DMD: variants seen among roughly 807,000 people sequenced by gnomAD.
The protein encoded by DMD is dystrophin.
In DMD, 63 loss-of-function variants were observed where a neutral mutation model predicts 330.1. The ratio of observed to expected loss-of-function variants is 0.19; its 90% confidence interval spans 0.16 to 0.24. DMD has a LOEUF of 0.24. Ranked by LOEUF, DMD falls within the 10% of genes least tolerant of loss-of-function variation. The pLI, the probability that DMD is intolerant of heterozygous loss-of-function variation, is 1.00. For synonymous variants in DMD, 1,223 were observed against 959.8 expected, an observed-to-expected ratio of 1.27 and a Z score of -5.07; for missense variants, 3,344 against 2,684.1, an observed-to-expected ratio of 1.25 and a Z score of -5.43.
intron 44 of DMD, among the ~76,000 whole-genome samples, chrX:32,106,046 T>G (rs950694159): frequency 8.9e-6 from 1 of 111,907 alleles, no homozygotes; most frequent in African/African-American, 3.2e-5. Flanking sequence ...GTCAAACACT[T>G]TAAAGTAAAA....
At chrX:32,276,955 A>G (rs1244353156) in intron 43 of DMD, among the ~76,000 whole-genome samples, 1 of 111,012 alleles carries the variant, frequency 9.0e-6, no homozygotes, top group African/African-American at 3.3e-5. Context: ...ATAGAAAAAA[A>G]AGAGAGAGAA....
chrX:32,580,298 T>C (rs1194445959), intron 13 of DMD, among the ~76,000 whole-genome samples: 1 of 112,062 alleles, frequency 8.9e-6, no homozygotes, highest in Non-Finnish European at 1.9e-5. Flanking sequence ...ACTACTGTCG[T>C]TATCAATAGG....
chrX:31,420,330 A>C (rs1171110922), intron 60 of DMD, among the ~76,000 whole-genome samples: 1 of 112,262 alleles, frequency 8.9e-6, no homozygotes, highest in Non-Finnish European at 1.9e-5. Context: ...AGATGGATTA[A>C]ATTGCATGTA....
chrX:31,937,368 A>G (rs1474305046), intron 45 of DMD, among the ~76,000 whole-genome samples: 1 of 111,918 alleles, frequency 8.9e-6, no homozygotes, highest in Non-Finnish European at 1.9e-5. Context: ...CTTAAACAGT[A>G]AAAGCTTTGG....
chrX:32,665,160 C>T (rs143389423), intron 9 of DMD, among the ~76,000 whole-genome samples: 1,472 of 111,629 alleles, frequency 0.013, 24 homozygotes, highest in African/African-American at 0.045. Flanking sequence ...ATAACCCAAC[C>T]AACATATATC....
intron 18 of DMD, among the ~76,000 whole-genome samples, chrX:32,503,702 T>A (rs376617734): frequency 1.2e-4 from 13 of 110,087 alleles, no homozygotes; most frequent in Admixed American, 1.1e-3. Context: ...ATTACAGGCG[T>A]GCACCACCAC....
At chrX:32,600,095 C>T (rs1044857781) in intron 12 of DMD, among the ~76,000 whole-genome samples, 1 of 111,555 alleles carries the variant, frequency 9.0e-6, no homozygotes. Flanking sequence ...ATTATTTAAA[C>T]CTGACTTTTC....
Position 32,445,943 on chromosome X carries a change from C to T in DMD, c.3786+2513G>A, listed in dbSNP as rs78154003. ...TATTTCTCTATTGAAGGATAAATTA[C>T]GCCACAGGCAGCTGAAGCGAGAATT... is the stretch of plus-strand genomic sequence containing the variant. On this transcript the variant is annotated intron_variant, in intron 27 of 78. Transcript: ENST00000357033. Among the ~76,000 whole-genome samples the T allele has an allele frequency of 2.6e-4, 29 of 110,679 alleles. No homozygotes were observed. The East Asian group carries it at 4.5e-3, about 17-fold the overall frequency.
At chrX:31,437,998 C>G (rs1295882572) in intron 60 of DMD, among the ~76,000 whole-genome samples, 1 of 110,348 alleles carries the variant, frequency 9.1e-6, no homozygotes, top group Non-Finnish European at 1.9e-5. Flanking sequence ...TATTGGACAG[C>G]ACAGTTCTAG....
At chrX:32,418,954 C>G (rs1228524763) in intron 29 of DMD, among the ~76,000 whole-genome samples, 1 of 60,232 alleles carries the variant, frequency 1.7e-5, no homozygotes, top group Non-Finnish European at 2.8e-5. Flanking sequence ...GTCTGGGTGA[C>G]AGAGTGAGAC....
intron 44 of DMD, among the ~76,000 whole-genome samples, chrX:31,994,335 A>G (rs1317811786): frequency 1.8e-5 from 2 of 112,161 alleles, no homozygotes; most frequent in Admixed American, 9.5e-5. Flanking sequence ...TTCAGTTGAC[A>G]AAACACAAAG....
At chrX:31,275,152 G>GTT (rs1408200017) in intron 62 of DMD, among the ~76,000 whole-genome samples, 5 of 67,365 alleles carry the variant, frequency 7.4e-5, no homozygotes, top group South Asian at 8.6e-4. Context: ...CTTAAATCAG[G>GTT]TTTTGTGTGT....
At chrX:32,748,562 C>G (rs940780540) in intron 7 of DMD, among the ~76,000 whole-genome samples, 1 of 110,808 alleles carries the variant, frequency 9.0e-6, no homozygotes, top group Non-Finnish European at 1.9e-5. Context: ...TGAAATGAGT[C>G]TTAGGGCTAG....
chrX:31,765,055 T>C, intron 51 of DMD, among the ~76,000 whole-genome samples: 1 of 110,642 alleles, frequency 9.0e-6, no homozygotes, highest in Non-Finnish European at 1.9e-5. Flanking sequence ...TGTTGCTTTT[T>C]TTTTTTCAAA....
At chrX:32,697,820 C>G (rs372296725) in intron 9 of DMD, 50 bp downstream of exon 9, 56 of 1,183,053 alleles carry the variant, frequency 4.7e-5, no homozygotes, top group Non-Finnish European at 6.0e-5. Context: ...GTTAGATTAT[C>G]TTGGAAGCAG....
At chrX:31,280,994 C>A (rs976290157) in intron 62 of DMD, among the ~76,000 whole-genome samples, 1 of 111,563 alleles carries the variant, frequency 9.0e-6, no homozygotes, top group Non-Finnish European at 1.9e-5. Context: ...CCCATAACTT[C>A]CACATATCTA....
intron 7 of DMD, among the ~76,000 whole-genome samples, chrX:32,729,069 A>C (rs754094127): frequency 8.9e-6 from 1 of 112,370 alleles, no homozygotes; most frequent in East Asian, 2.8e-4. Flanking sequence ...CGTGTAAGCA[A>C]GTAAGTTCAA....
chrX:33,008,968 G>A (rs1025726281), intron 2 of DMD, among the ~76,000 whole-genome samples: 2 of 86,847 alleles, frequency 2.3e-5, no homozygotes, highest in East Asian at 3.4e-4. Flanking sequence ...ATACATATGT[G>A]TATATACACT....
chrX:33,070,018 G>T (rs970932186), intron 1 of DMD, among the ~76,000 whole-genome samples: 6 of 110,637 alleles, frequency 5.4e-5, no homozygotes, highest in Non-Finnish European at 1.1e-4. Context: ...AATTATGCCG[G>T]GATAATTACA....
Sources: allele counts gnomAD v4.1 joint callset (sites outside exome capture counted in the v4.1 genomes callset), GRCh38; gene constraint gnomAD v4.1.1; transcripts MANE v1.5; gene names NCBI Gene and HGNC (gene_info 2026-07-23, HGNC 2026-07-21).